The following LRRTM4 variants were observed in gnomAD, a reference collection of about 807,000 sequenced individuals.
LRRTM4 encodes the protein leucine-rich repeat transmembrane neuronal protein 4.
In LRRTM4, 25 loss-of-function variants were observed where a neutral mutation model predicts 47.6. The observed-to-expected ratio is 0.53, with a 90% CI of 0.38 to 0.73. LRRTM4 has a LOEUF of 0.73. LRRTM4 is among the 30% of genes least tolerant of loss of function. The pLI is 0.00. For missense variants in LRRTM4, 638 were observed against 713.4 expected (o/e 0.89, Z 1.20); for synonymous variants, 311 against 269.5 (o/e 1.15, Z -1.51).
intron 3 of LRRTM4, among the ~76,000 whole-genome samples, chr2:77,402,631 T>C (rs191244357): frequency 6.6e-6 from 1 of 152,134 alleles, no homozygotes; most frequent in African/African-American, 2.4e-5. Flanking sequence ...ATCTAGTCTT[T>C]GTTCTCTTGG....
At chr2:77,376,268 T>A (rs561109597) in intron 3 of LRRTM4, among the ~76,000 whole-genome samples, 1 of 151,784 alleles carries the variant, frequency 6.6e-6, no homozygotes, top group Non-Finnish European at 1.5e-5. Context: ...GAAAACGTCA[T>A]ACCAAGAGTT....
At chr2:77,203,948 G>A (rs1674050931) in intron 3 of LRRTM4, among the ~76,000 whole-genome samples, 1 of 152,176 alleles carries the variant, frequency 6.6e-6, no homozygotes, top group Non-Finnish European at 1.5e-5. Context: ...CACAGAGTAA[G>A]TCGCTATAGC....
chr2:77,175,731 T>C (rs1386668623), intron 3 of LRRTM4, among the ~76,000 whole-genome samples: 1 of 152,140 alleles, frequency 6.6e-6, no homozygotes, highest in African/African-American at 2.4e-5. Flanking sequence ...ACTTTACTTC[T>C]TAAACTGTCT....
At chr2:77,339,828 A>G (rs1221319991) in intron 3 of LRRTM4, among the ~76,000 whole-genome samples, 1 of 151,912 alleles carries the variant, frequency 6.6e-6, no homozygotes, top group African/African-American at 2.4e-5. Flanking sequence ...AGCAGAGGAA[A>G]GGTTGTATCA....
At chr2:77,033,326 AAAG>A (rs1240379499) in intron 3 of LRRTM4, among the ~76,000 whole-genome samples, 1 of 132,200 alleles carries the variant, frequency 7.6e-6, no homozygotes, top group Admixed American at 7.7e-5. Flanking sequence ...AATGCCAAGT[AAAG>A]ATTATTAAAA....
At chr2:77,030,559 T>C (rs968813697) in intron 3 of LRRTM4, among the ~76,000 whole-genome samples, 2 of 152,210 alleles carry the variant, frequency 1.3e-5, no homozygotes, top group Non-Finnish European at 2.9e-5. Flanking sequence ...ACAGGATTTA[T>C]ACTTCCAGAA....
chr2:76,988,775 T>G, intron 3 of LRRTM4, among the ~76,000 whole-genome samples: 1 of 145,016 alleles, frequency 6.9e-6, no homozygotes, highest in East Asian at 2.3e-4. Flanking sequence ...CCATTCTTTC[T>G]TCCCCACGCG....
intron 3 of LRRTM4, among the ~76,000 whole-genome samples, chr2:76,924,354 A>G (rs1674523741): frequency 6.6e-6 from 1 of 152,068 alleles, no homozygotes; most frequent in Non-Finnish European, 1.5e-5. Flanking sequence ...GATTATGTAG[A>G]TAAACCATAT....
intron 3 of LRRTM4, among the ~76,000 whole-genome samples, chr2:77,020,076 C>G (rs971475658): frequency 1.3e-5 from 2 of 151,906 alleles, no homozygotes; most frequent in Admixed American, 6.6e-5. Context: ...AAGGATGTGT[C>G]TAGGATAGAT....
chr2:77,260,219 A>G (rs992628029), intron 3 of LRRTM4, among the ~76,000 whole-genome samples: 7 of 152,122 alleles, frequency 4.6e-5, no homozygotes, highest in Admixed American at 1.3e-4. Context: ...ATGTAGGTAA[A>G]GAATAAACCC....
chr2:77,293,308 A>G (rs1676881294), intron 3 of LRRTM4, among the ~76,000 whole-genome samples: 1 of 152,146 alleles, frequency 6.6e-6, no homozygotes. Flanking sequence ...CGTAAGACAG[A>G]AAGAAGTATT....
intron 3 of LRRTM4, among the ~76,000 whole-genome samples, chr2:77,514,479 C>T (rs1679136090): frequency 6.6e-6 from 1 of 151,894 alleles, no homozygotes; most frequent in South Asian, 2.1e-4. Context: ...ATTATATAAC[C>T]TGAACTGAAA....
intron 3 of LRRTM4, among the ~76,000 whole-genome samples, chr2:77,453,371 C>A (rs1005976804): frequency 6.6e-6 from 1 of 151,574 alleles, no homozygotes; most frequent in Non-Finnish European, 1.5e-5. Flanking sequence ...TTAGTAGAGA[C>A]GGGGTTCACC....
intron 3 of LRRTM4, among the ~76,000 whole-genome samples, chr2:77,245,196 A>G (rs1675398018): frequency 8.0e-6 from 1 of 125,090 alleles, no homozygotes; most frequent in Non-Finnish European, 1.7e-5. Context: ...GGGCAAGGAA[A>G]CAGATAGAAA....
chr2:77,414,780 G>A (rs1210277692), intron 3 of LRRTM4, among the ~76,000 whole-genome samples: 2 of 152,160 alleles, frequency 1.3e-5, no homozygotes, highest in Non-Finnish European at 2.9e-5. Flanking sequence ...ATATTCCTGT[G>A]CCTCCTGCCC....
At chr2:77,025,292 A>C (rs1678416517) in intron 3 of LRRTM4, among the ~76,000 whole-genome samples, 1 of 152,230 alleles carries the variant, frequency 6.6e-6, no homozygotes, top group Non-Finnish European at 1.5e-5. Flanking sequence ...TACAAAATCT[A>C]GATACCCTCT....
intron 3 of LRRTM4, among the ~76,000 whole-genome samples, chr2:77,355,607 C>T (rs968912526): frequency 1.3e-5 from 2 of 152,076 alleles, no homozygotes; most frequent in Admixed American, 1.3e-4. Flanking sequence ...TCAAAATGTT[C>T]AACCAAGGAG....
chr2:76,864,074 C>T (rs752045447), intron 3 of LRRTM4, among the ~76,000 whole-genome samples: 12 of 152,132 alleles, frequency 7.9e-5, no homozygotes, highest in Non-Finnish European at 8.8e-5. Flanking sequence ...TGGGAATATT[C>T]CATCAAAGAA....
chr2:77,136,489 T>A (rs1458862880), intron 3 of LRRTM4, among the ~76,000 whole-genome samples: 1 of 152,014 alleles, frequency 6.6e-6, no homozygotes, highest in African/African-American at 2.4e-5. Context: ...GTCACCATCA[T>A]CAAAGACCAA....
Sources: allele counts gnomAD v4.1 joint callset (sites outside exome capture counted in the v4.1 genomes callset), GRCh38; gene constraint gnomAD v4.1.1; transcripts MANE v1.5; gene names NCBI Gene and HGNC (gene_info 2026-07-23, HGNC 2026-07-21).